ZCCHC8: variants seen among roughly 807,000 people sequenced by gnomAD.
ZCCHC8 encodes zinc finger CCHC-type containing 8.
A neutral mutation model predicts 70.6 loss-of-function variants in ZCCHC8; 27 were observed. That is an observed-to-expected ratio of 0.38 (90% CI 0.28 to 0.53). The LOEUF (loss-of-function observed/expected upper bound fraction) is 0.53, where lower values mean the gene tolerates loss of function less well. Among genes scored for constraint, ZCCHC8 ranks in the 20% least tolerant of loss-of-function variants. The probability of loss-of-function intolerance (pLI) is 0.81; values close to 1 mark genes in which losing one functional copy is unlikely to be tolerated. For synonymous variants in ZCCHC8, 293 were observed against 317.4 expected, an observed-to-expected ratio of 0.92 and a Z score of 0.82; for missense variants, 737 against 876.9, an observed-to-expected ratio of 0.84 and a Z score of 2.01.
At chr12:122,477,086 T>C (rs1957433625) in intron 13 of ZCCHC8, among the ~76,000 whole-genome samples, 1 of 151,256 alleles carries the variant, frequency 6.6e-6, no homozygotes, top group South Asian at 2.1e-4. Flanking sequence ...TTCTGAACTT[T>C]GAAGTCACTT....
rs930493814 is a variant in ZCCHC8 at position 122,494,672 on chromosome 12, G to T, written c.243-1883C>A. Among the ~76,000 whole-genome samples, 9 of 152,104 alleles carry T rather than the reference G, an allele frequency of 5.9e-5. No homozygotes were observed. The East Asian group carries it at 1.7e-3, about 29-fold the overall frequency. On this transcript the variant is annotated intron_variant, in intron 2 of 13. Transcript: ENST00000633063. The stretch of plus-strand genomic sequence containing the variant: ...CGATGGAGACCATCCTGGCTAACAC[G>T]GTGAAACCCCGACTCTACCAAAAAT...
intron 1 of ZCCHC8, chr12:122,499,121 A>C: frequency 1.9e-6 from 1 of 512,838 alleles, no homozygotes. Context: ...AGACTAACAA[A>C]CTGAACCAAA....
At chr12:122,494,614 G>A (rs565194752) in intron 2 of ZCCHC8, among the ~76,000 whole-genome samples, 6 of 151,370 alleles carry the variant, frequency 4.0e-5, no homozygotes, top group Non-Finnish European at 7.4e-5. Context: ...CCAGTACTTT[G>A]GGAGGCCGAG....
Position 122,473,817 on chromosome 12 carries a change from C to T in ZCCHC8, c.1804G>A (p.Glu602Lys). The change falls in exon 14 of 14, where the codon GAG (glutamate) becomes AAG (lysine). Residue 602 changes from glutamate to lysine, a missense_variant. By Grantham distance (56) the Glu-to-Lys change is moderately conservative. Transcript: ENST00000633063. ...EAGHASSPDSEVTSLCQKEKA... is the reference protein window; with the variant it reads ...EAGHASSPDSKVTSLCQKEKA... ...TCCTTCTGACAAAGTGATGTCACCTCAGAGTCTGGACTGGAGGCATGTCCA... is the reference window on the plus strand; with the variant it reads ...TCCTTCTGACAAAGTGATGTCACCTTAGAGTCTGGACTGGAGGCATGTCCA... The T allele has an allele frequency of 6.2e-7, 1 of 1,613,704 alleles. No individual in the cohort carries two copies. Among genetic ancestry groups the T allele is most frequent in the Non-Finnish European group, 8.5e-7 (1 of 1,179,774 alleles).
chr12:122,488,592 G>A (rs914469289), intron 5 of ZCCHC8, among the ~76,000 whole-genome samples: 8 of 151,888 alleles, frequency 5.3e-5, no homozygotes, highest in Admixed American at 3.9e-4. Context: ...TATATGCTGC[G>A]CTGGGCACAG....
intron 7 of ZCCHC8, 36 bp from the exon 8 acceptor site, chr12:122,482,731 A>G: frequency 6.4e-7 from 1 of 1,554,498 alleles, no homozygotes; most frequent in South Asian, 1.2e-5. Flanking sequence ...TTATAATGTC[A>G]ATAAAAATAG....
chr12:122,500,578 C>T lies in ZCCHC8; in HGVS notation c.199+64G>A, dbSNP rs754047471. 7.3e-5 allele frequency: 109 copies of T among 1,493,812 alleles called. No individual in the cohort carries two copies. Among genetic ancestry groups the T allele is most frequent in the Non-Finnish European group, 9.5e-5 (106 of 1,121,344 alleles). 92.5% of individuals were successfully genotyped at this position (1,493,812 alleles called of 1,614,324 possible). On this transcript the variant is annotated intron_variant, in intron 1 of 13. Transcript: ENST00000633063. This position sits in a 1 kb window ranked among gnomAD's most constrained non-coding sequence, Gnocchi z 4.8. ...CGCCCTCGCCCGGCGCTGCCCCGGC[C>T]CCACGCCTGGCGCTGCCCCGGCCCC...
chr12:122,494,850 C>T (rs920702751), intron 2 of ZCCHC8, among the ~76,000 whole-genome samples: 1 of 152,116 alleles, frequency 6.6e-6, no homozygotes, highest in Non-Finnish European at 1.5e-5. Flanking sequence ...GCAACACGCT[C>T]GGCCAACCAG....
chr12:122,488,838 T>C (rs1018707579), intron 5 of ZCCHC8, among the ~76,000 whole-genome samples: 1 of 141,732 alleles, frequency 7.1e-6, no homozygotes. Flanking sequence ...ACCATTGCAC[T>C]CCAGCCTGGA....
chr12:122,478,222 G>A lies in ZCCHC8; in HGVS notation c.1211C>T (p.Thr404Ile), dbSNP rs1216477028. 6.3e-7 allele frequency: 1 copy of A among 1,598,414 alleles called. No individual in the cohort carries two copies. The highest frequency in any genetic ancestry group is 8.5e-7 in the Non-Finnish European group (1 of 1,172,064). Residue 404 changes from threonine (T) to isoleucine (I), a missense_variant, in exon 12 of 14, where the codon ACT (threonine) becomes ATT (isoleucine). Thr to Ile is a moderately conservative substitution (Grantham distance 89). Transcript: ENST00000633063. The stretch of plus-strand genomic sequence containing the variant: ...TCTATTTACCGCTTGGAAGTTAGAA[G>A]TAAGGTAATTGGCAAACACATCCTT... Reference protein sequence around the residue: ...QQKDVFANYLTSNFQAPGVKS... With the variant: ...QQKDVFANYLISNFQAPGVKS...
chr12:122,486,585 T>TGA (rs1254855387), intron 5 of ZCCHC8, among the ~76,000 whole-genome samples: 1 of 151,890 alleles, frequency 6.6e-6, no homozygotes, highest in Non-Finnish European at 1.5e-5. Context: ...GCTTTTTTTT[T>TGA]GAGAGAGAGA....
chr12:122,473,922 C>A lies in ZCCHC8; in HGVS notation c.1699G>T (p.Val567Phe), dbSNP rs759746873. Residue 567 changes from valine to phenylalanine, a missense_variant, in exon 14 of 14, where the codon GTC becomes TTC. By Grantham distance (50) the Val-to-Phe change is conservative. Coordinates refer to ENST00000633063, the MANE Select transcript of ZCCHC8 (RefSeq NM_017612.5). ...TTTTCAGATGTTTTTCCCTCCGGGACAGGGAGGTCTAGCTCATTTGGACAA... is the reference window on the plus strand; with the variant it reads ...TTTTCAGATGTTTTTCCCTCCGGGAAAGGGAGGTCTAGCTCATTTGGACAA... Reference protein sequence around the residue: ...SPCPNELDLPVPEGKTSEKQT... With the variant: ...SPCPNELDLPFPEGKTSEKQT... 4 of 1,613,694 alleles carry A rather than the reference C, an allele frequency of 2.5e-6. No homozygotes were observed. In the East Asian group the frequency reaches 8.9e-5, roughly 36 times the overall value.
At chr12:122,492,952 C>T (rs905374687) in intron 2 of ZCCHC8, among the ~76,000 whole-genome samples, 163 bp from the exon 3 acceptor site, 1 of 151,994 alleles carries the variant, frequency 6.6e-6, no homozygotes, top group African/African-American at 2.4e-5. Context: ...ATCACTGCAA[C>T]CTCCGCCTCC....
At chr12:122,489,208 G>A (rs375533476) in intron 5 of ZCCHC8, among the ~76,000 whole-genome samples, 178 bp downstream of exon 5, 4 of 152,336 alleles carry the variant, frequency 2.6e-5, no homozygotes, top group South Asian at 2.1e-4. Context: ...AGGTCACAAC[G>A]CAATCATTAT....
chr12:122,483,635 T>C lies in ZCCHC8; in HGVS notation c.502-72A>G. ...GACATTAAATAATGTAAGATTATGA[T>C]TAACTGTTTTAACAATTTATTTTTG... On this transcript the variant is annotated intron_variant, in intron 5 of 13. Transcript: ENST00000633063. This position sits in a 1 kb window ranked among gnomAD's most constrained non-coding sequence, Gnocchi z 4.4. The C allele has an allele frequency of 1.8e-6, 2 of 1,133,998 alleles. No individual in the cohort carries two copies. The highest frequency in any genetic ancestry group is 2.5e-6 in the Non-Finnish European group (2 of 790,830). 70.2% of individuals were successfully genotyped at this position (1,133,998 alleles called of 1,614,324 possible).
chr12:122,499,206 G>A (rs755443794), intron 1 of ZCCHC8: 6 of 314,864 alleles, frequency 1.9e-5, no homozygotes, highest in Non-Finnish European at 2.4e-5. Context: ...GCAGTATAAC[G>A]AGCTGTTAAC....
chr12:122,495,847 C>CAAAAAAAAAAAAAAAAAAA, intron 2 of ZCCHC8, among the ~76,000 whole-genome samples: 1 of 78,322 alleles, frequency 1.3e-5, no homozygotes, highest in East Asian at 2.8e-4. Context: ...CACTCTGTCT[C>CAAAAAAAAAAAAAAAAAAA]AAAAAAAAAA....
rs1335269107 is a variant in ZCCHC8, at chr12:122,483,270, C to A, written c.671+9G>T. 6.3e-7 allele frequency: 1 copy of A among 1,586,120 alleles called. No homozygotes were observed. Among genetic ancestry groups the A allele is most frequent in the East Asian group, 2.3e-5 (1 of 43,984 alleles). ...AAATAAGTAAAACAAAACAACTCCC[C>A]ACACAAACCTTTTTGCCTTTACTTG... On this transcript the variant is annotated intron_variant, in intron 7 of 13. Transcript: ENST00000633063. The surrounding 1 kb of genome is among the most constrained non-coding windows in gnomAD (Gnocchi z 4.4).
chr12:122,481,240 T>C, intron 10 of ZCCHC8: 1 of 224,712 alleles, frequency 4.5e-6, no homozygotes, highest in Non-Finnish European at 8.6e-6. Flanking sequence ...TTATGTCTGT[T>C]ATTATTACTG....
Sources: allele counts gnomAD v4.1 joint callset (sites outside exome capture counted in the v4.1 genomes callset), GRCh38; gene constraint gnomAD v4.1.1; non-coding constraint Gnocchi (gnomAD v3.1); transcripts MANE v1.5; gene names NCBI Gene and HGNC (gene_info 2026-07-23, HGNC 2026-07-21).